The following CADM2 variants were observed in gnomAD, a reference collection of about 807,000 sequenced individuals.
CADM2 encodes cell adhesion molecule 2.
CADM2 carries 12 observed loss-of-function variants against 49.8 expected under a neutral mutation model. The observed-to-expected ratio is 0.24, with a 90% CI of 0.15 to 0.39. CADM2 has a LOEUF of 0.39. CADM2 is among the 10% of genes least tolerant of loss of function. CADM2 has a pLI of 1.00. For missense variants in CADM2, 378 were observed against 492.3 expected (o/e 0.77, Z 2.20); for synonymous variants, 214 against 175.4 (o/e 1.22, Z -1.74).
chr3:85,701,734 A>C (rs536938451), intron 1 of CADM2, among the ~76,000 whole-genome samples: 1 of 152,288 alleles, frequency 6.6e-6, no homozygotes, highest in South Asian at 2.1e-4. Context: ...GGTAAATTTT[A>C]CCAGGACCCA....
At chr3:85,153,328 G>A (rs956941257) in intron 1 of CADM2, among the ~76,000 whole-genome samples, 6 of 152,210 alleles carry the variant, frequency 3.9e-5, no homozygotes, top group African/African-American at 1.4e-4. Flanking sequence ...GGTGGCAGAT[G>A]GCACCTGGAA....
intron 1 of CADM2, among the ~76,000 whole-genome samples, chr3:85,225,901 G>A (rs528261133): frequency 5.9e-5 from 9 of 152,166 alleles, no homozygotes; most frequent in East Asian, 1.9e-4. Flanking sequence ...GATGGATTAC[G>A]TTTATTGATT....
At chr3:85,491,045 G>C (rs2039648978) in intron 1 of CADM2, among the ~76,000 whole-genome samples, 1 of 152,096 alleles carries the variant, frequency 6.6e-6, no homozygotes, top group African/African-American at 2.4e-5. Context: ...ATTATCATTT[G>C]TCATGTTAAG....
intron 1 of CADM2, among the ~76,000 whole-genome samples, chr3:85,085,814 A>T (rs2037347210): frequency 6.6e-6 from 1 of 152,158 alleles, no homozygotes; most frequent in African/African-American, 2.4e-5. Flanking sequence ...CGCAAACTAT[A>T]TCATTCTAAT....
intron 1 of CADM2, among the ~76,000 whole-genome samples, chr3:85,263,175 G>A (rs2043049927): frequency 6.6e-6 from 1 of 151,824 alleles, no homozygotes; most frequent in Non-Finnish European, 1.5e-5. Context: ...TTGTGTTTTA[G>A]TAGAGATGGG....
chr3:85,303,917 A>G (rs1350898510), intron 1 of CADM2, among the ~76,000 whole-genome samples: 1 of 151,906 alleles, frequency 6.6e-6, no homozygotes, highest in South Asian at 2.1e-4. Flanking sequence ...GTCAACAAAC[A>G]CCTCCGAACA....
At chr3:86,048,837 A>G (rs1381755492) in intron 8 of CADM2, among the ~76,000 whole-genome samples, 3 of 152,158 alleles carry the variant, frequency 2.0e-5, no homozygotes, top group Non-Finnish European at 2.9e-5. Context: ...ATAAGATCCC[A>G]TCTCATTTTC....
chr3:85,531,986 G>T (rs1358920946), intron 1 of CADM2, among the ~76,000 whole-genome samples: 1 of 152,134 alleles, frequency 6.6e-6, no homozygotes, highest in Admixed American at 6.5e-5. Context: ...GACCATCCTG[G>T]CAAACACGGT....
Position 86,067,090 on chromosome 3 carries a change from T to C in CADM2, c.*307T>C, listed in dbSNP as rs73136146. ...TCCTTGGATCATTATATTGAGTGGT[T>C]TTTATACATTAAAAAATGTATGCAG... On this transcript the variant is annotated 3_prime_UTR_variant, in exon 10 of 10. Coordinates refer to ENST00000383699, the MANE Select transcript of CADM2 (RefSeq NM_001167675.2). The C allele has an allele frequency of 0.012, 2,933 of 239,198 alleles. 35 individuals are homozygous for C. The highest frequency in any genetic ancestry group is 0.06 in the Middle Eastern group (43 of 718). 14.8% of individuals were successfully genotyped at this position (239,198 alleles called of 1,614,324 possible).
intron 1 of CADM2, among the ~76,000 whole-genome samples, chr3:85,292,729 C>G (rs941445455): frequency 6.6e-6 from 1 of 152,056 alleles, no homozygotes; most frequent in African/African-American, 2.4e-5. Context: ...TAAAGATGTT[C>G]TTTGAAATCA....
At chr3:85,599,824 C>T (rs935222182) in intron 1 of CADM2, among the ~76,000 whole-genome samples, 1 of 151,716 alleles carries the variant, frequency 6.6e-6, no homozygotes, top group Non-Finnish European at 1.5e-5. Context: ...ATAATTGACC[C>T]TCTTAGATAT....
chr3:85,593,001 A>T (rs1024456772), intron 1 of CADM2, among the ~76,000 whole-genome samples: 3 of 151,904 alleles, frequency 2.0e-5, no homozygotes, highest in African/African-American at 7.2e-5. Flanking sequence ...GGGACTCCAA[A>T]GAGCCTGTAT....
chr3:85,711,564 T>C (rs2107738157), intron 1 of CADM2, among the ~76,000 whole-genome samples: 1 of 152,328 alleles, frequency 6.6e-6, no homozygotes, highest in East Asian at 1.9e-4. Flanking sequence ...AGTGAAGTTG[T>C]TGCTTGTTGT....
At chr3:85,836,859 G>A (rs1200047287) in intron 3 of CADM2, among the ~76,000 whole-genome samples, 2 of 151,542 alleles carry the variant, frequency 1.3e-5, no homozygotes, top group Non-Finnish European at 3.0e-5. Flanking sequence ...CCATGTGAGT[G>A]CCTGGCAAGC....
At chr3:85,891,292 C>T (rs1714401735) in intron 5 of CADM2, among the ~76,000 whole-genome samples, 1 of 152,158 alleles carries the variant, frequency 6.6e-6, no homozygotes, top group African/African-American at 2.4e-5. Flanking sequence ...AGTTGTCATT[C>T]CATGTATAAG....
chr3:86,049,018 A>T (rs1049791964), intron 8 of CADM2, among the ~76,000 whole-genome samples: 3 of 152,140 alleles, frequency 2.0e-5, no homozygotes, highest in Non-Finnish European at 4.4e-5. Flanking sequence ...TTTAGTAAAG[A>T]ATTGTTGTAC....
At chr3:85,985,958 T>C (rs1021536743) in intron 8 of CADM2, among the ~76,000 whole-genome samples, 21 of 152,076 alleles carry the variant, frequency 1.4e-4, no homozygotes, top group Non-Finnish European at 2.5e-4. Context: ...GTTTCATTTA[T>C]ATTCAGATTC....
intron 1 of CADM2, among the ~76,000 whole-genome samples, chr3:85,119,875 A>T (rs2038788973): frequency 6.6e-6 from 1 of 152,154 alleles, no homozygotes; most frequent in Admixed American, 6.6e-5. Flanking sequence ...TTCTGAAAAG[A>T]AACTAGCGTC....
intron 1 of CADM2, among the ~76,000 whole-genome samples, chr3:85,151,183 A>G (rs979012194): frequency 1.3e-5 from 2 of 152,112 alleles, no homozygotes; most frequent in African/African-American, 4.8e-5. Context: ...TGGGAGTGCT[A>G]TAGAGACTGC....
Sources: allele counts gnomAD v4.1 joint callset (sites outside exome capture counted in the v4.1 genomes callset), GRCh38; gene constraint gnomAD v4.1.1; transcripts MANE v1.5; gene names NCBI Gene and HGNC (gene_info 2026-07-23, HGNC 2026-07-21).